The following PDE4D variants were observed in gnomAD, a reference collection of about 807,000 sequenced individuals.
PDE4D encodes the protein 3',5'-cyclic-AMP phosphodiesterase 4D.
A neutral mutation model predicts 87.4 loss-of-function variants in PDE4D; 24 were observed. The observed-to-expected ratio is 0.27, with a 90% CI of 0.20 to 0.39. PDE4D has a LOEUF of 0.39. Among genes scored for constraint, PDE4D ranks in the 10% least tolerant of loss-of-function variants. PDE4D has a pLI of 1.00. For synonymous variants in PDE4D, 384 were observed against 383.2 expected (o/e 1.00, Z -0.02); for missense variants, 714 against 1,041.0 (o/e 0.69, Z 4.32).
intron 2 of PDE4D, among the ~76,000 whole-genome samples, chr5:60,170,988 C>A (rs1783375693): frequency 6.6e-6 from 1 of 151,996 alleles, no homozygotes. Context: ...ATGTATCTGG[C>A]AGCACAGGGT....
intron 1 of PDE4D, among the ~76,000 whole-genome samples, chr5:60,222,776 T>C (rs1744645307): frequency 6.6e-6 from 1 of 152,160 alleles, no homozygotes; most frequent in South Asian, 2.1e-4. Context: ...TTGTGGTTTA[T>C]ATATTTTTAA....
intron 1 of PDE4D, among the ~76,000 whole-genome samples, chr5:59,274,642 A>AT (rs1764462454): frequency 6.6e-6 from 1 of 152,142 alleles, no homozygotes; most frequent in Non-Finnish European, 1.5e-5. Flanking sequence ...TAGAAAAAAA[A>AT]GTTACTTTGT....
At chr5:60,291,640 T>C (rs1238167952) in intron 1 of PDE4D, among the ~76,000 whole-genome samples, 1 of 151,204 alleles carries the variant, frequency 6.6e-6, no homozygotes, top group African/African-American at 2.4e-5. Flanking sequence ...TCACTAGTAA[T>C]CCAAAAGATA....
At chr5:60,008,687 T>A (rs1322884116) in intron 2 of PDE4D, among the ~76,000 whole-genome samples, 2 of 152,030 alleles carry the variant, frequency 1.3e-5, no homozygotes, top group African/African-American at 4.8e-5. Flanking sequence ...AACCCAAGAA[T>A]GAATGAATAT....
chr5:59,175,471 C>CTTT (rs563138575), intron 5 of PDE4D, among the ~76,000 whole-genome samples: 7 of 91,206 alleles, frequency 7.7e-5, no homozygotes, highest in South Asian at 4.1e-4. Flanking sequence ...ATTTTTCTTT[C>CTTT]TTTTTTTTTT....
chr5:59,193,026 T>TC (rs1744683131), intron 3 of PDE4D, among the ~76,000 whole-genome samples: 1 of 152,216 alleles, frequency 6.6e-6, no homozygotes, highest in Non-Finnish European at 1.5e-5. Context: ...GTGGTTAAAG[T>TC]ATTTTCATGA....
At chr5:60,041,281 A>G (rs577492019) in intron 2 of PDE4D, among the ~76,000 whole-genome samples, 2 of 152,238 alleles carry the variant, frequency 1.3e-5, no homozygotes, top group South Asian at 4.1e-4. Flanking sequence ...TGACATTGCT[A>G]TGACACTAAT....
intron 6 of PDE4D, among the ~76,000 whole-genome samples, chr5:59,036,581 T>C (rs1042927299): frequency 6.6e-6 from 1 of 152,238 alleles, no homozygotes; most frequent in Non-Finnish European, 1.5e-5. Flanking sequence ...TGTGGCTTAT[T>C]CATGCCCTTG....
intron 1 of PDE4D, among the ~76,000 whole-genome samples, chr5:60,233,703 T>C (rs1746084452): frequency 6.6e-6 from 1 of 151,852 alleles, no homozygotes; most frequent in African/African-American, 2.4e-5. Flanking sequence ...AGTGCTTATG[T>C]TGTGCCACAT....
At chr5:59,125,396 T>C (rs1775239483) in intron 5 of PDE4D, 3 of 446,020 alleles carry the variant, frequency 6.7e-6, no homozygotes, top group Non-Finnish European at 8.9e-6. Context: ...CCTCTGTCAA[T>C]TGACTGCCAA....
intron 1 of PDE4D, among the ~76,000 whole-genome samples, chr5:59,372,688 C>G (rs1354716956): frequency 1.3e-5 from 2 of 152,184 alleles, no homozygotes; most frequent in African/African-American, 4.8e-5. Context: ...CACACAGGCT[C>G]CAGCAAGGGC....
chr5:59,571,126 TGAAA>T (rs1267532885), intron 1 of PDE4D, among the ~76,000 whole-genome samples: 7 of 152,216 alleles, frequency 4.6e-5, no homozygotes, highest in African/African-American at 1.7e-4. Context: ...AACATGAGAA[TGAAA>T]GAGATTCTTC....
chr5:59,668,800 G>GA (rs1387517063), intron 1 of PDE4D, among the ~76,000 whole-genome samples: 2 of 129,076 alleles, frequency 1.5e-5, no homozygotes, highest in African/African-American at 3.0e-5. Flanking sequence ...GAAAGAAGAA[G>GA]AAGAAAGAAG....
intron 1 of PDE4D, among the ~76,000 whole-genome samples, chr5:59,707,889 T>C (rs555412718): frequency 6.6e-6 from 1 of 152,210 alleles, no homozygotes; most frequent in Non-Finnish European, 1.5e-5. Flanking sequence ...TTCCATGCCT[T>C]GCTATTGTGA....
chr5:59,317,594 G>T (rs1366051287), intron 1 of PDE4D, among the ~76,000 whole-genome samples: 1 of 152,088 alleles, frequency 6.6e-6, no homozygotes, highest in African/African-American at 2.4e-5. Flanking sequence ...GACTGAATCT[G>T]CTTTCTCTAT....
chr5:59,735,066 A>G (rs1757894528), intron 1 of PDE4D, among the ~76,000 whole-genome samples: 1 of 152,138 alleles, frequency 6.6e-6, no homozygotes, highest in Non-Finnish European at 1.5e-5. Context: ...TCTATTGCCC[A>G]TAGGATATTT....
At chr5:59,864,901 A>G (rs1018529324) in intron 1 of PDE4D, among the ~76,000 whole-genome samples, 9 of 152,170 alleles carry the variant, frequency 5.9e-5, no homozygotes, top group Non-Finnish European at 1.2e-4. Context: ...TACTCAGAGC[A>G]CGGTAGGATG....
intron 1 of PDE4D, among the ~76,000 whole-genome samples, chr5:59,481,878 C>T (rs760797420): frequency 1.8e-4 from 27 of 151,370 alleles, no homozygotes; most frequent in Non-Finnish European, 3.5e-4. Context: ...ATCTGTATGC[C>T]GTAAGATATT....
chr5:60,272,114 A>G (rs1750874833), intron 1 of PDE4D, among the ~76,000 whole-genome samples: 1 of 152,212 alleles, frequency 6.6e-6, no homozygotes. Flanking sequence ...AGTGACATTA[A>G]TTTGTGCTAG....
Sources: allele counts gnomAD v4.1 joint callset (sites outside exome capture counted in the v4.1 genomes callset), GRCh38; gene constraint gnomAD v4.1.1; transcripts MANE v1.5; gene names NCBI Gene and HGNC (gene_info 2026-07-23, HGNC 2026-07-21).